LARGE1: variants seen among roughly 807,000 people sequenced by gnomAD.
LARGE1 encodes the protein xylosyl- and glucuronyltransferase LARGE1.
Under a neutral mutation model 87.6 loss-of-function variants are expected in LARGE1, and 43 were observed. The observed-to-expected ratio is 0.49, with a 90% CI of 0.38 to 0.63. LARGE1 has a LOEUF of 0.63. Among genes scored for constraint, LARGE1 ranks in the 30% least tolerant of loss-of-function variants. The pLI is 0.00. For synonymous variants in LARGE1, 434 were observed against 394.6 expected (o/e 1.10, Z -1.18); for missense variants, 802 against 1,000.2 (o/e 0.80, Z 2.67).
intron 1 of LARGE1, among the ~76,000 whole-genome samples, chr22:33,843,440 AAAAT>A (rs59206767): frequency 2.9e-4 from 42 of 146,622 alleles, no homozygotes; most frequent in Middle Eastern, 3.5e-3. Context: ...CCCTCTCAAA[AAAAT>A]AAATAAATAA....
Position 33,427,650 on chromosome 22 carries a change from G to C in LARGE1, c.892+4511C>G, listed in dbSNP as rs1311441786. Among the ~76,000 whole-genome samples, 6 of 152,244 alleles carry C rather than the reference G, an allele frequency of 3.9e-5. No individual in the cohort carries two copies. The East Asian group carries it at 7.7e-4, about 20-fold the overall frequency. Reference sequence around the variant, plus strand: ...GTGTTTGATGTCTGCGGTTGAATCTGAATTAGCTGAAAAGAGTTATTCAGT... The same window carrying C: ...GTGTTTGATGTCTGCGGTTGAATCTCAATTAGCTGAAAAGAGTTATTCAGT... On this transcript the variant is annotated intron_variant, in intron 7 of 14. Transcript: ENST00000397394.
intron 1 of LARGE1, among the ~76,000 whole-genome samples, chr22:33,822,851 G>A (rs2062680029): frequency 6.6e-6 from 1 of 152,158 alleles, no homozygotes; most frequent in South Asian, 2.1e-4. Context: ...GTGAGCAGTG[G>A]CCATGTAACT....
intron 2 of LARGE1, among the ~76,000 whole-genome samples, chr22:33,699,136 T>C (rs2082335679): frequency 6.6e-6 from 1 of 152,204 alleles, no homozygotes; most frequent in Admixed American, 6.5e-5. Flanking sequence ...GGTGAAAACA[T>C]CTGCTCGGCA....
chr22:33,778,746 G>C (rs2085327498), intron 1 of LARGE1, among the ~76,000 whole-genome samples: 2 of 152,132 alleles, frequency 1.3e-5, no homozygotes, highest in African/African-American at 4.8e-5. Context: ...CGCCTCCTGA[G>C]TTCAAGCAAT....
rs139276980 is a variant in LARGE1 at position 33,640,302 on chromosome 22, G to A, written c.408+10065C>T. On this transcript the variant is annotated intron_variant, in intron 3 of 14. Coordinates refer to ENST00000397394, the MANE Select transcript of LARGE1 (RefSeq NM_133642.5). ...GGAGAGTGTGCTTTGAAATATGACT[G>A]TAGCAGGCCAAGACTTTTAAGTGCA... is the stretch of plus-strand genomic sequence containing the variant. Among the ~76,000 whole-genome samples the A allele has an allele frequency of 7.4e-3, 1,122 of 152,332 alleles. 5 individuals carry two copies. Among genetic ancestry groups the A allele is most frequent in the Non-Finnish European group, 0.01 (706 of 68,030 alleles).
the LARGE1 span, among the ~76,000 whole-genome samples, chr22:33,106,314 C>G: frequency 6.6e-6 from 1 of 152,026 alleles, no homozygotes; most frequent in African/African-American, 2.4e-5. Context: ...AAAAGGTGGA[C>G]AAAACAAAAA....
chr22:33,120,353 T>C, the LARGE1 span, among the ~76,000 whole-genome samples: 1 of 115,420 alleles, frequency 8.7e-6, no homozygotes, highest in African/African-American at 4.0e-5. Flanking sequence ...CTTTCTTTTC[T>C]TTCTTTTTCT....
chr22:33,203,063 TAA>T (rs1269229295), intron 11 of LARGE1, among the ~76,000 whole-genome samples: 1 of 123,414 alleles, frequency 8.1e-6, no homozygotes, highest in Non-Finnish European at 1.6e-5. Flanking sequence ...AAATAGAATC[TAA>T]ACTCTCTCTC....
chr22:33,401,479 T>G (rs1254895380), intron 7 of LARGE1, among the ~76,000 whole-genome samples: 3 of 151,794 alleles, frequency 2.0e-5, no homozygotes, highest in South Asian at 2.1e-4. Context: ...ATAAAAAAAA[T>G]AAAAAGAAAA....
chr22:33,814,837 C>T (rs1178283368), intron 1 of LARGE1, among the ~76,000 whole-genome samples: 1 of 152,112 alleles, frequency 6.6e-6, no homozygotes, highest in East Asian at 1.9e-4. Context: ...TTCATACAGG[C>T]TATTTGATAC....
intron 1 of LARGE1, among the ~76,000 whole-genome samples, chr22:33,790,943 A>G (rs2085803162): frequency 6.6e-6 from 1 of 152,224 alleles, no homozygotes; most frequent in Non-Finnish European, 1.5e-5. Context: ...AAGGCCCACA[A>G]GCACATATCC....
intron 11 of LARGE1, among the ~76,000 whole-genome samples, chr22:33,199,003 A>G (rs534640425): frequency 1.3e-5 from 2 of 152,116 alleles, no homozygotes; most frequent in Admixed American, 6.5e-5. Context: ...CTTTCCCAAC[A>G]TGTTGTTTTT....
rs1021307406 is a variant in LARGE1, at chr22:33,513,022, C to T, written c.787+51826G>A. On this transcript the variant is annotated intron_variant, in intron 6 of 14. Transcript: ENST00000397394. Reference sequence around the variant, plus strand: ...ACCCAGGTTTATGCAAAAGGAGGTGCCTAATGCCTGAGGATCCCAGAGATG... The same window carrying T: ...ACCCAGGTTTATGCAAAAGGAGGTGTCTAATGCCTGAGGATCCCAGAGATG... 8.6e-5 allele frequency among the ~76,000 whole-genome samples: 13 copies of T among 151,824 alleles called. No homozygotes were observed. The East Asian group carries it at 1.4e-3, about 16-fold the overall frequency.
intron 7 of LARGE1, among the ~76,000 whole-genome samples, chr22:33,431,289 C>T (rs887113985): frequency 6.6e-6 from 1 of 152,132 alleles, no homozygotes; most frequent in East Asian, 1.9e-4. Context: ...GGGCCTCGTA[C>T]ACAGTAAGCA....
chr22:33,539,983 GC>G (rs1255617939), intron 6 of LARGE1, among the ~76,000 whole-genome samples: 18 of 152,106 alleles, frequency 1.2e-4, no homozygotes. Context: ...GACCTCAGAT[GC>G]CTGTGGGGGC....
chr22:33,841,896 C>T (rs941908038), intron 1 of LARGE1, among the ~76,000 whole-genome samples: 1 of 152,124 alleles, frequency 6.6e-6, no homozygotes, highest in African/African-American at 2.4e-5. Context: ...CTCCTGGGAC[C>T]GAGTACTCCA....
In LARGE1 at chr22:33,915,040, C is replaced by CAGAGAGAGAGAGAGAGAG. The variant is rs1431046257; in HGVS notation, c.-83+4954_-83+4955insCTCTCTCTCTCTCTCTCT. On this transcript the variant is annotated intron_variant, in intron 1 of 14. Transcript: ENST00000397394. Reference sequence around the variant, plus strand: ...ACACACACACACACACACACACACACACAGAGAGAGAGAGAGAGAGAGAGG... The same window carrying CAGAGAGAGAGAGAGAGAG: ...ACACACACACACACACACACACACACAGAGAGAGAGAGAGAGAGACAGAGAGAGAGAGAGAGAGAGAGG... Among the ~76,000 whole-genome samples the CAGAGAGAGAGAGAGAGAG allele has an allele frequency of 7.8e-3, 715 of 91,520 alleles. 10 individuals carry two copies. Among genetic ancestry groups the CAGAGAGAGAGAGAGAGAG allele is most frequent in the African/African-American group, 0.024 (686 of 28,356 alleles). 60.0% of individuals were successfully genotyped at this position (91,520 alleles called of 152,430 possible).
At chr22:33,560,959 C>T (rs899314731) in intron 6 of LARGE1, among the ~76,000 whole-genome samples, 17 of 152,106 alleles carry the variant, frequency 1.1e-4, no homozygotes, top group South Asian at 2.1e-4. Context: ...GGACTACAGG[C>T]GTCCGCCACC....
the LARGE1 span, among the ~76,000 whole-genome samples, chr22:33,156,779 T>A: frequency 6.6e-6 from 1 of 152,052 alleles, no homozygotes; most frequent in Non-Finnish European, 1.5e-5. Context: ...ATGATATGGT[T>A]TGGCTGTGTC....
Sources: allele counts gnomAD v4.1 joint callset (sites outside exome capture counted in the v4.1 genomes callset), GRCh38; gene constraint gnomAD v4.1.1; transcripts MANE v1.5; gene names NCBI Gene and HGNC (gene_info 2026-07-23, HGNC 2026-07-21).